The following GNAQ variants were observed in gnomAD, a reference collection of about 807,000 sequenced individuals.
The protein encoded by GNAQ is guanine nucleotide-binding protein G(q) subunit alpha.
In GNAQ, 8 loss-of-function variants were observed where a neutral mutation model predicts 43.9. That is an observed-to-expected ratio of 0.18 (90% confidence interval 0.11 to 0.33). The LOEUF (loss-of-function observed/expected upper bound fraction) is 0.33. GNAQ is among the 10% of genes least tolerant of loss of function. The pLI is 1.00. For synonymous variants in GNAQ, 155 were observed against 170.7 expected (o/e 0.91, Z 0.71); for missense variants, 158 against 450.8 (o/e 0.35, Z 5.88).
At chr9:77,977,509 T>G (rs1823316839) in intron 1 of GNAQ, among the ~76,000 whole-genome samples, 1 of 152,000 alleles carries the variant, frequency 6.6e-6, no homozygotes, top group African/African-American at 2.4e-5. Context: ...AGAGTGTTCA[T>G]ACAGCAAAGT....
chr9:77,924,109 T>C (rs1393380568), intron 1 of GNAQ, among the ~76,000 whole-genome samples: 1 of 152,206 alleles, frequency 6.6e-6, no homozygotes, highest in Admixed American at 6.5e-5. Context: ...AGTAAAGTGA[T>C]CTGGAACTCC....
At chr9:78,031,005 C>T in intron 1 of GNAQ, 95 bp downstream of exon 1, 1 of 953,420 alleles carries the variant, frequency 1.0e-6, no homozygotes. Flanking sequence ...ACCGCGGGCG[C>T]CGGGGGGCGG....
chr9:77,809,596 T>A (rs1201359050), intron 3 of GNAQ, among the ~76,000 whole-genome samples: 1 of 152,236 alleles, frequency 6.6e-6, no homozygotes. Flanking sequence ...CCCTAGGATC[T>A]TAGAATGCTT....
chr9:77,942,769 T>TA (rs1829333208), intron 1 of GNAQ, among the ~76,000 whole-genome samples: 2 of 152,226 alleles, frequency 1.3e-5, no homozygotes, highest in South Asian at 4.1e-4. Flanking sequence ...CTTTTAAAAA[T>TA]AAAGACACTT....
In GNAQ at chr9:77,815,607, G is replaced by C. The variant is rs1388740639; in HGVS notation, c.476+9C>G. The C allele has an allele frequency of 6.3e-7, 1 of 1,582,278 alleles. No individual in the cohort carries two copies. The highest frequency in any genetic ancestry group is 1.1e-5 in the South Asian group (1 of 88,540). ...AAAAATCCATAGGGCCACCTGGAAA[G>C]ATACTCACTATTTGGTAGAGTCAGA... On this transcript the variant is annotated intron_variant, in intron 3 of 6. Transcript: ENST00000286548.
intron 5 of GNAQ, among the ~76,000 whole-genome samples, chr9:77,767,364 G>A (rs901330538): frequency 1.4e-4 from 22 of 152,034 alleles, no homozygotes; most frequent in African/African-American, 5.3e-4. Flanking sequence ...CACATTGAGG[G>A]GCAGGATGGG....
intron 1 of GNAQ, among the ~76,000 whole-genome samples, chr9:77,960,963 A>G (rs1230305703): frequency 6.6e-6 from 1 of 152,220 alleles, no homozygotes; most frequent in Admixed American, 6.5e-5. Flanking sequence ...TGTATGACAT[A>G]TCTTTAATAC....
intron 2 of GNAQ, among the ~76,000 whole-genome samples, chr9:77,905,022 CTT>C (rs1828681463): frequency 6.6e-6 from 1 of 152,092 alleles, no homozygotes; most frequent in South Asian, 2.1e-4. Flanking sequence ...CCCAAAATGA[CTT>C]TTTGTGATAA....
intron 2 of GNAQ, among the ~76,000 whole-genome samples, chr9:77,832,290 G>A (rs1338633765): frequency 6.6e-6 from 1 of 152,112 alleles, no homozygotes; most frequent in African/African-American, 2.4e-5. Flanking sequence ...AAATCCAGAT[G>A]TCCAGTAACA....
intron 1 of GNAQ, among the ~76,000 whole-genome samples, chr9:77,933,103 G>C (rs1204034459): frequency 3.3e-5 from 5 of 152,156 alleles, no homozygotes; most frequent in East Asian, 1.9e-4. Flanking sequence ...CGTACACCTA[G>C]AAAGTTCACT....
At chr9:77,763,137 CAAACAA>C (rs1373868739) in intron 5 of GNAQ, among the ~76,000 whole-genome samples, 2,932 of 126,400 alleles carry the variant, frequency 0.023, 51 homozygotes, top group African/African-American at 0.054. Flanking sequence ...AACAAACAAA[CAAACAA>C]AAAAAAAAAA....
At chr9:77,976,441 G>C (rs931106115) in intron 1 of GNAQ, among the ~76,000 whole-genome samples, 7 of 151,940 alleles carry the variant, frequency 4.6e-5, no homozygotes, top group Admixed American at 1.3e-4. Context: ...TGCCCAGGCT[G>C]GAGTGCAATG....
intron 2 of GNAQ, among the ~76,000 whole-genome samples, chr9:77,883,725 G>A (rs925555116): frequency 2.0e-5 from 3 of 151,862 alleles, no homozygotes; most frequent in Non-Finnish European, 4.4e-5. Flanking sequence ...CACTGAGTCT[G>A]TGGACCAGGG....
intron 1 of GNAQ, among the ~76,000 whole-genome samples, chr9:77,941,429 TTA>T (rs1242701560): frequency 6.6e-6 from 1 of 152,090 alleles, no homozygotes; most frequent in Non-Finnish European, 1.5e-5. Flanking sequence ...TTTTGTATTT[TTA>T]GTAGAGACGG....
chr9:78,018,229 T>C (rs74546779), intron 1 of GNAQ, among the ~76,000 whole-genome samples: 1,920 of 152,128 alleles, frequency 0.013, 63 homozygotes, highest in Admixed American at 0.08. Flanking sequence ...AAAAGAATCT[T>C]ATACAGTCTT....
At chr9:77,736,631 A>G (rs548343288) in intron 5 of GNAQ, among the ~76,000 whole-genome samples, 1 of 152,296 alleles carries the variant, frequency 6.6e-6, no homozygotes, top group South Asian at 2.1e-4. Flanking sequence ...TCGCGGTCAC[A>G]TGTCAGGCCC....
chr9:77,836,576 T>G (rs1827390160), intron 2 of GNAQ, among the ~76,000 whole-genome samples: 1 of 152,162 alleles, frequency 6.6e-6, no homozygotes, highest in Non-Finnish European at 1.5e-5. Flanking sequence ...TGGAAGACAC[T>G]GGAGTACAAG....
At chr9:77,948,152 T>C (rs1822927949) in intron 1 of GNAQ, among the ~76,000 whole-genome samples, 2 of 152,232 alleles carry the variant, frequency 1.3e-5, no homozygotes, top group African/African-American at 2.4e-5. Context: ...TAAATGTTTT[T>C]GAATAAAATA....
intron 1 of GNAQ, among the ~76,000 whole-genome samples, chr9:78,028,517 C>T (rs1248993407): frequency 6.6e-6 from 1 of 152,196 alleles, no homozygotes; most frequent in Non-Finnish European, 1.5e-5. Context: ...TTATCCCTGT[C>T]AAACAAATCC....
Sources: gnomAD v4.1 joint callset for allele counts (sites outside exome capture counted in the v4.1 genomes callset) on GRCh38, gnomAD v4.1.1 for gene constraint, MANE v1.5 for transcripts, NCBI Gene and HGNC (gene_info 2026-07-23, HGNC 2026-07-21) for gene names.